HTRA4: variants seen among roughly 807,000 people sequenced by gnomAD.
HTRA4 encodes the protein HtrA serine peptidase 4, also known as serine protease HTRA4.
HTRA4 carries 46 observed loss-of-function variants against 49.1 expected under a neutral mutation model. The ratio of observed to expected loss-of-function variants is 0.94; its 90% CI spans 0.74 to 1.20. HTRA4 has a LOEUF of 1.20. Among genes scored for constraint, HTRA4 ranks in the 50% most tolerant of loss-of-function variants. The pLI is 0.00. For missense variants in HTRA4, 602 were observed against 636.9 expected (o/e 0.95, Z 0.59); for synonymous variants, 261 against 264.0 (o/e 0.99, Z 0.11).
At position 38,976,482 on chromosome 8, in the gene HTRA4, T is replaced by C; in HGVS notation, c.567-53T>C. On this transcript the variant is annotated intron_variant, in intron 2 of 8. Coordinates refer to ENST00000302495, the MANE Select transcript of HTRA4 (RefSeq NM_153692.4). ...GTTCCCATGACTCAGATTATATGGC[T>C]GTATCCCCTAACTTTCTTGCCCTCT... The C allele has an allele frequency of 3.9e-6, 6 of 1,520,588 alleles. No individual in the cohort carries two copies. In the South Asian group the frequency reaches 5.6e-5, roughly 14 times the overall value. The allele number at this position is 1,520,588 out of a possible 1,614,324, so 94.2% of individuals were successfully genotyped here. A position where few individuals can be genotyped will look rare whatever the true frequency, so the allele number is the denominator to read the frequency against.
chr8:38,983,152 C>T (rs531702760), intron 8 of HTRA4, 104 bp downstream of exon 8: 1 of 672,636 alleles, frequency 1.5e-6, no homozygotes, highest in African/African-American at 1.8e-5. Flanking sequence ...ATACAGTGGC[C>T]ACTACTTACA....
At chr8:38,975,340 T>TTAGG (rs1344806550) in intron 2 of HTRA4, among the ~76,000 whole-genome samples, 7 of 152,316 alleles carry the variant, frequency 4.6e-5, no homozygotes, top group Admixed American at 1.3e-4. Flanking sequence ...CCCTGCCCAC[T>TTAGG]TAGGTGGCTG....
Position 38,976,592 on chromosome 8 carries a change from T to C in HTRA4, c.624T>C (p.Ser208=). ...PVYSGSGFIV[S]EDGLIITNAH... is the part of the protein sequence containing the mutation. Reference sequence around the variant, plus strand: ...ACAGTGGCTCTGGGTTCATAGTGTCTGAGGACGGGCTCATTATTACCAATG... The same window carrying C: ...ACAGTGGCTCTGGGTTCATAGTGTCCGAGGACGGGCTCATTATTACCAATG... Residue 208 remains serine (S), a synonymous_variant, in exon 3 of 9, where the codon TCT becomes TCC. Transcript: ENST00000302495. The C allele has an allele frequency of 6.2e-7, 1 of 1,614,162 alleles. No individual in the cohort carries two copies.
intron 5 of HTRA4, among the ~76,000 whole-genome samples, chr8:38,979,540 A>G (rs1304173398): frequency 2.6e-5 from 4 of 152,186 alleles, no homozygotes; most frequent in East Asian, 1.9e-4. Flanking sequence ...TAGTTAGAAA[A>G]AATTCAAGAT....
rs1835426155 is a variant in HTRA4 at position 38,981,688 on chromosome 8, G to T, written c.1035G>T (p.Val345=). The T allele has an allele frequency of 6.2e-7, 1 of 1,613,482 alleles. No individual in the cohort carries two copies. Among genetic ancestry groups the T allele is most frequent in the African/African-American group, 1.3e-5 (1 of 74,744 alleles). ...GDVIGVNSLR[V]TDGISFAIPS... ...TGATTGGCGTCAATTCATTGAGGGT[G>T]ACTGATGGAATCTCCTTTGCAATTC... The change falls in exon 6 of 9, where the codon GTG becomes GTT. Residue 345 remains valine (V), a synonymous_variant. Coordinates refer to ENST00000302495, the MANE Select transcript of HTRA4 (RefSeq NM_153692.4).
In HTRA4 at chr8:38,975,479, G is replaced by A. The variant is rs189576294; in HGVS notation, c.566+349G>A. On this transcript the variant is annotated intron_variant, in intron 2 of 8. Transcript: ENST00000302495. ...GGGCTGAAATGCAGTGACAGATCAC[G>A]GCTCACTGCAGCTCCATCTGCTGGG... is the stretch of plus-strand genomic sequence containing the variant. Among the ~76,000 whole-genome samples, 35 of 152,270 alleles carry A rather than the reference G, an allele frequency of 2.3e-4. No homozygotes were observed. In the East Asian group the frequency reaches 5.6e-3, roughly 24 times the overall value.
intron 5 of HTRA4, among the ~76,000 whole-genome samples, chr8:38,981,300 C>CG (rs1467430552): frequency 2.0e-5 from 3 of 151,460 alleles, no homozygotes; most frequent in Non-Finnish European, 4.4e-5. Flanking sequence ...AGGATGGTCT[C>CG]GATCTCCTGA....
At chr8:38,977,914 C>A in intron 3 of HTRA4, 39 bp from the exon 4 acceptor site, 1 of 1,593,262 alleles carries the variant, frequency 6.3e-7, no homozygotes, top group Non-Finnish European at 8.6e-7. Flanking sequence ...TTGTTCTTTA[C>A]CCTTTCTGTC....
At chr8:38,981,288 C>T (rs573661567) in intron 5 of HTRA4, among the ~76,000 whole-genome samples, 31 of 151,534 alleles carry the variant, frequency 2.0e-4, no homozygotes, top group African/African-American at 7.5e-4. Context: ...ACCATGTTAG[C>T]CAGGATGGTC....
Position 38,988,201 on chromosome 8 carries a change from T to TTTTC in HTRA4, c.*106_*109dup. 9.4e-7 allele frequency: 1 copy of TTTTC among 1,059,338 alleles called. No homozygotes were observed. The highest frequency in any genetic ancestry group is 1.3e-6 in the Non-Finnish European group (1 of 761,486). The allele number at this position is 1,059,338 out of a possible 1,614,324, so 65.6% of individuals were successfully genotyped here. Reference sequence around the variant, plus strand: ...AACATGGCAAGAAGTTTTTGGATCTTTTTCTTACAAAGAAAAATGGATGGT... The same window carrying TTTTC: ...AACATGGCAAGAAGTTTTTGGATCTTTTTCTTTCTTACAAAGAAAAATGGATGGT... On this transcript the variant is annotated 3_prime_UTR_variant, in exon 9 of 9. Coordinates refer to ENST00000302495, the MANE Select transcript of HTRA4 (RefSeq NM_153692.4).
In HTRA4 at chr8:38,976,615, A is replaced by G. The variant is rs780571909; in HGVS notation, c.647A>G (p.Asn216Ser). The G allele has an allele frequency of 6.2e-7, 1 of 1,614,124 alleles. No individual in the cohort carries two copies. Among genetic ancestry groups the G allele is most frequent in the Admixed American group, 1.7e-5 (1 of 60,016 alleles). ...TCTGAGGACGGGCTCATTATTACCA[A>G]TGCCCATGTTGTCAGGAACCAGCAG... ...IVSEDGLIIT[N>S]AHVVRNQQWI... is the part of the protein sequence containing the mutation. Residue 216 changes from asparagine to serine, a missense_variant, in exon 3 of 9, where the codon AAT becomes AGT. Asn to Ser is a conservative substitution (Grantham distance 46, BLOSUM62 1). Coordinates refer to ENST00000302495, the MANE Select transcript of HTRA4 (RefSeq NM_153692.4).
At chr8:38,981,434 G>C (rs545723699) in intron 5 of HTRA4, among the ~76,000 whole-genome samples, 1 of 152,078 alleles carries the variant, frequency 6.6e-6, no homozygotes, top group Non-Finnish European at 1.5e-5. Context: ...GCCATGAAAA[G>C]AAGGTAACTT....
intron 3 of HTRA4, 76 bp from the exon 4 acceptor site, chr8:38,977,877 C>A: frequency 2.7e-6 from 4 of 1,479,740 alleles, no homozygotes; most frequent in Non-Finnish European, 3.7e-6. Context: ...GTGTTAGACA[C>A]ACACTTTGGT....
rs375362815 is a variant in HTRA4, at chr8:38,983,071, T to C, written c.1268+23T>C. 115 of 1,523,948 alleles carry C rather than the reference T, an allele frequency of 7.5e-5. 1 individual carries two copies. The highest frequency in any genetic ancestry group is 6.9e-5 in the African/African-American group (5 of 72,834). 94.4% of individuals were successfully genotyped at this position (1,523,948 alleles called of 1,614,324 possible). A position where few individuals can be genotyped will look rare whatever the true frequency, so the allele number is the denominator to read the frequency against. ...AAGGTAAGAGAAGTGAAGGCCTTTG[T>C]CATCTACCTTTGCTTTTTCTAAATG... On this transcript the variant is annotated intron_variant, in intron 8 of 8. Transcript: ENST00000302495.
Position 38,983,035 on chromosome 8 carries a change from A to C in HTRA4, c.1255A>C (p.Thr419Pro), listed in dbSNP as rs750029991. The stretch of plus-strand genomic sequence containing the variant: ...TTATGTATGTAAAGTGGTTGAAGGA[A>C]CAGCTGCTCAAAGGTAAGAGAAGTG... ...GVYVCKVVEGTAAQSSGLRDH... is the reference protein window; with the variant it reads ...GVYVCKVVEGPAAQSSGLRDH... Residue 419 changes from threonine (T) to proline (P), a missense_variant, in exon 8 of 9, where the codon ACA (threonine) becomes CCA (proline). Physicochemically the swap from Thr to Pro is conservative, Grantham distance 38. Transcript: ENST00000302495. 39 of 1,611,464 alleles carry C rather than the reference A, an allele frequency of 2.4e-5. No individual in the cohort carries two copies. The highest frequency in any genetic ancestry group is 3.3e-5 in the Non-Finnish European group (39 of 1,177,892).
At position 38,982,991 on chromosome 8, in the gene HTRA4, C is replaced by T; in HGVS notation, c.1211C>T (p.Pro404Leu). ...EELKMHYPDF[P>L]DVSSGVYVCK... ...TTGAAAATGCATTATCCAGATTTCC[C>T]TGATGTGAGTTCTGGGGTTTATGTA... The change falls in exon 8 of 9, where the codon CCT (proline) becomes CTT (leucine). Residue 404 changes from proline (P) to leucine (L), a missense_variant. By Grantham distance (98) the Pro-to-Leu change is moderately conservative. Coordinates refer to ENST00000302495, the MANE Select transcript of HTRA4 (RefSeq NM_153692.4). 6.2e-7 allele frequency: 1 copy of T among 1,613,794 alleles called. No individual in the cohort carries two copies. Among genetic ancestry groups the T allele is most frequent in the South Asian group, 1.1e-5 (1 of 91,040 alleles).
chr8:38,981,063 G>GTT (rs71216700), intron 5 of HTRA4, among the ~76,000 whole-genome samples: 497 of 48,136 alleles, frequency 0.01, 39 homozygotes, highest in African/African-American at 0.012. Flanking sequence ...ATGAGCTTAA[G>GTT]TTTTTTTTTT....
intron 8 of HTRA4, among the ~76,000 whole-genome samples, chr8:38,987,696 CAT>C (rs1399000787): frequency 6.6e-6 from 1 of 152,248 alleles, no homozygotes; most frequent in South Asian, 2.1e-4. Context: ...AAACTTCTCA[CAT>C]GATTCTGATA....
In HTRA4 at chr8:38,975,075, G is replaced by T. The variant is rs1316430142; in HGVS notation, c.511G>T (p.Ala171Ser). 1.9e-6 allele frequency: 3 copies of T among 1,613,984 alleles called. No homozygotes were observed. Among genetic ancestry groups the T allele is most frequent in the East Asian group, 2.2e-5 (1 of 44,874 alleles). ...GCTCAGGAGGAATTACAACTTCATC[G>T]CCGCGGTGGTGGAGAAGGTGGCGCC... ...GPLRRNYNFI[A>S]AVVEKVAPSV... The change falls in exon 2 of 9, where the codon GCC (alanine) becomes TCC (serine). Residue 171 changes from alanine (A) to serine (S), a missense_variant. Coordinates refer to ENST00000302495, the MANE Select transcript of HTRA4 (RefSeq NM_153692.4).
Sources: gnomAD v4.1 joint callset for allele counts (sites outside exome capture counted in the v4.1 genomes callset) on GRCh38, gnomAD v4.1.1 for gene constraint, MANE v1.5 for transcripts, NCBI Gene and HGNC (gene_info 2026-07-23, HGNC 2026-07-21) for gene names.